Variants in NPAS3 observed in about 807,000 individuals in gnomAD.
NPAS3 encodes neuronal PAS domain-containing protein 3.
Under a neutral mutation model 73.1 loss-of-function variants are expected in NPAS3, and 14 were observed. That is an observed-to-expected ratio of 0.19 (90% CI 0.13 to 0.30). The LOEUF (loss-of-function observed/expected upper bound fraction) is 0.30, where lower values mean the gene tolerates loss of function less well. Among genes scored for constraint, NPAS3 ranks in the 10% least tolerant of loss-of-function variants. The pLI is 1.00. For missense variants in NPAS3, 1,096 were observed against 1,250.0 expected, an observed-to-expected ratio of 0.88 and a Z score of 1.86; for synonymous variants, 620 against 541.5, an observed-to-expected ratio of 1.14 and a Z score of -2.01.
chr14:33,794,346 C>G (rs28595154), intron 10 of NPAS3, among the ~76,000 whole-genome samples: 75,133 of 152,056 alleles, frequency 0.49, 18,958 homozygotes, highest in East Asian at 0.56. Flanking sequence ...CAGAATAATA[C>G]AGACTTCAGC....
At chr14:33,537,591 C>G (rs2054312488) in intron 4 of NPAS3, among the ~76,000 whole-genome samples, 1 of 152,114 alleles carries the variant, frequency 6.6e-6, no homozygotes, top group African/African-American at 2.4e-5. Flanking sequence ...TTTAAATGAT[C>G]ACACTGCGAG....
At chr14:33,264,495 T>C (rs955842487) in intron 3 of NPAS3, among the ~76,000 whole-genome samples, 2 of 152,146 alleles carry the variant, frequency 1.3e-5, no homozygotes, top group Non-Finnish European at 2.9e-5. Flanking sequence ...TAAACCCAAA[T>C]GCTTCCATTT....
intron 2 of NPAS3, among the ~76,000 whole-genome samples, chr14:33,163,108 C>A (rs565184952): frequency 6.6e-6 from 1 of 152,024 alleles, no homozygotes; most frequent in Non-Finnish European, 1.5e-5. Flanking sequence ...ATCTCTGTAC[C>A]CCTCATTCAT....
intron 3 of NPAS3, among the ~76,000 whole-genome samples, chr14:33,321,410 T>G (rs1418773000): frequency 6.6e-6 from 1 of 152,056 alleles, no homozygotes; most frequent in Non-Finnish European, 1.5e-5. Context: ...TGAAATAACC[T>G]GGGTAAGGCA....
chr14:33,592,301 T>C (rs1053711821), intron 5 of NPAS3, among the ~76,000 whole-genome samples: 1 of 152,212 alleles, frequency 6.6e-6, no homozygotes, highest in African/African-American at 2.4e-5. Flanking sequence ...TACACAGGTA[T>C]TTAAAAGACC....
intron 1 of NPAS3, among the ~76,000 whole-genome samples, chr14:32,958,914 A>G (rs1375049924): frequency 6.6e-6 from 1 of 152,206 alleles, no homozygotes; most frequent in East Asian, 1.9e-4. Flanking sequence ...AAACTATAAC[A>G]TGTAAGTCAG....
At chr14:33,080,579 C>T (rs1415452322) in intron 2 of NPAS3, among the ~76,000 whole-genome samples, 2 of 152,162 alleles carry the variant, frequency 1.3e-5, no homozygotes, top group Non-Finnish European at 2.9e-5. Flanking sequence ...TGGAGAAAGT[C>T]TCTAGAAGAA....
chr14:33,669,602 T>C (rs549764851), intron 5 of NPAS3, among the ~76,000 whole-genome samples: 1 of 152,330 alleles, frequency 6.6e-6, no homozygotes, highest in South Asian at 2.1e-4. Context: ...AATTTACCCT[T>C]AAACAACAAA....
chr14:33,365,706 C>A (rs1051077495), intron 3 of NPAS3, among the ~76,000 whole-genome samples: 3 of 152,148 alleles, frequency 2.0e-5, no homozygotes, highest in Non-Finnish European at 4.4e-5. Context: ...TTAACACACA[C>A]GCATTTTCAC....
intron 3 of NPAS3, among the ~76,000 whole-genome samples, chr14:33,312,811 T>C (rs991109979): frequency 4.7e-5 from 7 of 150,468 alleles, no homozygotes; most frequent in African/African-American, 1.7e-4. Flanking sequence ...TAGAGAGAGA[T>C]ACGTAGATAT....
At chr14:33,573,263 A>G (rs1374385353) in intron 5 of NPAS3, among the ~76,000 whole-genome samples, 1 of 152,182 alleles carries the variant, frequency 6.6e-6, no homozygotes, top group Non-Finnish European at 1.5e-5. Context: ...TATTTGCTGA[A>G]TGACCTACGT....
chr14:33,308,510 T>TTTTATATA lies in NPAS3; in HGVS notation c.386-58675_386-58674insTTATATAT, dbSNP rs374327824. On this transcript the variant is annotated intron_variant, in intron 3 of 11. Transcript: ENST00000356141. The stretch of plus-strand genomic sequence containing the variant: ...TTTTCTAAAGGGACTATTGCATAGT[T>TTTTATATA]TATATATATATATATATACATACAC... 8.4e-5 allele frequency among the ~76,000 whole-genome samples: 7 copies of TTTTATATA among 83,510 alleles called. 1 individual carries two copies. In the East Asian group the frequency reaches 2.1e-3, roughly 25 times the overall value. The allele number at this position is 83,510 out of a possible 152,430, so 54.8% of individuals were successfully genotyped here. A position where few individuals can be genotyped will look rare whatever the true frequency, so the allele number is the denominator to read the frequency against.
chr14:33,138,105 C>T (rs1241590781), intron 2 of NPAS3, among the ~76,000 whole-genome samples: 1 of 150,272 alleles, frequency 6.7e-6, no homozygotes, highest in African/African-American at 2.5e-5. Context: ...GTACAATGTG[C>T]AGGTTAGTTA....
At chr14:33,107,456 G>T (rs760772007) in intron 2 of NPAS3, among the ~76,000 whole-genome samples, 1 of 151,970 alleles carries the variant, frequency 6.6e-6, no homozygotes, top group Non-Finnish European at 1.5e-5. Context: ...CCATCTTTAT[G>T]TCCACGTATA....
intron 2 of NPAS3, among the ~76,000 whole-genome samples, chr14:33,107,261 A>G (rs776465782): frequency 6.6e-6 from 1 of 152,014 alleles, no homozygotes; most frequent in African/African-American, 2.4e-5. Flanking sequence ...CCTAATTTTT[A>G]TTTTAGAATC....
chr14:33,434,336 G>A (rs918483335), intron 4 of NPAS3, among the ~76,000 whole-genome samples: 1 of 152,080 alleles, frequency 6.6e-6, no homozygotes, highest in African/African-American at 2.4e-5. Context: ...AGACCAGCCT[G>A]GGCAATATGG....
In NPAS3 at chr14:33,560,251, G is replaced by A. The variant is rs374770668; in HGVS notation, c.558+41G>A. ...TTAGATTCTTGGCAGCGATTATGAA[G>A]CCTTCTTCAGCCTCATGTTTTTCCT... On this transcript the variant is annotated intron_variant, in intron 5 of 11. Transcript: ENST00000356141. 1.2e-5 allele frequency: 10 copies of A among 806,938 alleles called. No homozygotes were observed. The African/African-American group carries it at 1.5e-4, about 12-fold the overall frequency. The allele number at this position is 806,938 out of a possible 1,614,324, so 50.0% of individuals were successfully genotyped here.
chr14:33,090,281 T>C (rs1272024820), intron 2 of NPAS3, among the ~76,000 whole-genome samples: 1 of 117,798 alleles, frequency 8.5e-6, no homozygotes, highest in Non-Finnish European at 1.7e-5. Flanking sequence ...ACACATAGGC[T>C]CAAAATAAAG....
intron 2 of NPAS3, among the ~76,000 whole-genome samples, chr14:33,149,984 T>A (rs917079024): frequency 2.6e-5 from 4 of 152,166 alleles, no homozygotes; most frequent in Non-Finnish European, 5.9e-5. Flanking sequence ...CCTCCCTGTG[T>A]CCATGTGTGT....
Sources: allele counts gnomAD v4.1 joint callset (sites outside exome capture counted in the v4.1 genomes callset), GRCh38; gene constraint gnomAD v4.1.1; transcripts MANE v1.5; gene names NCBI Gene and HGNC (gene_info 2026-07-23, HGNC 2026-07-21).